DMD: variants seen among roughly 807,000 people sequenced by gnomAD.
DMD encodes mutant dystrophin.
DMD carries 63 observed loss-of-function variants against 330.1 expected under a neutral mutation model. The ratio of observed to expected loss-of-function variants is 0.19; its 90% CI spans 0.16 to 0.24. The LOEUF is 0.24. DMD is among the 10% of genes least tolerant of loss of function. The pLI is 1.00. For missense variants in DMD, 3,344 were observed against 2,684.1 expected, an observed-to-expected ratio of 1.25 and a Z score of -5.43; for synonymous variants, 1,223 against 959.8, an observed-to-expected ratio of 1.27 and a Z score of -5.07.
chrX:31,848,250 G>C (rs1466645300), intron 48 of DMD, among the ~76,000 whole-genome samples: 1 of 111,536 alleles, frequency 9.0e-6, no homozygotes, highest in Non-Finnish European at 1.9e-5. Flanking sequence ...ATAGCTCTGA[G>C]GGTTTCTCTT....
intron 11 of DMD, among the ~76,000 whole-genome samples, chrX:32,638,118 T>A (rs757802154): frequency 8.9e-6 from 1 of 112,057 alleles, no homozygotes; most frequent in Non-Finnish European, 1.9e-5. Flanking sequence ...GAATGTCACG[T>A]TATCATCTAT....
intron 1 of DMD, among the ~76,000 whole-genome samples, chrX:33,035,737 G>T (rs2094193894): frequency 9.0e-6 from 1 of 111,349 alleles, no homozygotes; most frequent in Non-Finnish European, 1.9e-5. Context: ...GTTTTCACAG[G>T]ATATAAAAAA....
At chrX:31,617,001 C>T (rs953058102) in intron 55 of DMD, among the ~76,000 whole-genome samples, 3 of 111,461 alleles carry the variant, frequency 2.7e-5, no homozygotes, top group Non-Finnish European at 5.6e-5. Flanking sequence ...AAAAAATGGC[C>T]TATTTGGGTC....
intron 43 of DMD, among the ~76,000 whole-genome samples, chrX:32,225,146 A>G (rs112904265): frequency 0.097 from 10,843 of 111,824 alleles, 542 homozygotes; most frequent in Admixed American, 0.15. Context: ...AGCTTCAACT[A>G]ACATCTACAG....
Position 32,134,596 on chromosome X carries a change from T to C in DMD, c.6438+82320A>G, listed in dbSNP as rs142980473. Among the ~76,000 whole-genome samples the C allele has an allele frequency of 3.2e-3, 356 of 111,235 alleles. 9 individuals are homozygous for C. In the East Asian group the frequency reaches 0.091, roughly 28 times the overall value. On this transcript the variant is annotated intron_variant, in intron 44 of 78. Transcript: ENST00000357033. Reference sequence around the variant, plus strand: ...GGTTTTCACAATTCTAAAAAAAAGATAAAATAAACTATGTGTTTAACGGTG... The same window carrying C: ...GGTTTTCACAATTCTAAAAAAAAGACAAAATAAACTATGTGTTTAACGGTG...
At chrX:31,350,186 C>G (rs1012091131) in intron 60 of DMD, among the ~76,000 whole-genome samples, 17 of 111,575 alleles carry the variant, frequency 1.5e-4, no homozygotes, top group African/African-American at 5.5e-4. Context: ...AACTACCTGC[C>G]TGTCCTGCAC....
chrX:33,305,968 G>C (rs959429706), intron 1 of DMD, among the ~76,000 whole-genome samples: 1 of 112,111 alleles, frequency 8.9e-6, no homozygotes. Context: ...AGTGAGGAAA[G>C]GAGACAGAGA....
chrX:31,714,762 A>G (rs189534164), intron 52 of DMD, among the ~76,000 whole-genome samples: 9 of 112,293 alleles, frequency 8.0e-5, no homozygotes, highest in African/African-American at 2.9e-4. Context: ...TGATACAATT[A>G]AATCAAAATG....
chrX:32,409,404 A>G (rs2098132747), intron 30 of DMD, among the ~76,000 whole-genome samples: 1 of 111,676 alleles, frequency 9.0e-6, no homozygotes, highest in Non-Finnish European at 1.9e-5. Context: ...GATGTAGTTA[A>G]TAACATTTTT....
intron 44 of DMD, among the ~76,000 whole-genome samples, chrX:32,100,135 A>T (rs2096532725): frequency 9.0e-6 from 1 of 110,683 alleles, no homozygotes; most frequent in Admixed American, 9.7e-5. Context: ...TAAAAAGGAA[A>T]AAAAGTTAAC....
At chrX:31,350,231 T>C (rs2058318601) in intron 60 of DMD, among the ~76,000 whole-genome samples, 1 of 111,474 alleles carries the variant, frequency 9.0e-6, no homozygotes. Context: ...GCGTGGCTTC[T>C]TCATGCTGCT....
At chrX:33,104,201 ATGTT>A (rs1352771979) in intron 1 of DMD, among the ~76,000 whole-genome samples, 1 of 112,023 alleles carries the variant, frequency 8.9e-6, no homozygotes, top group Non-Finnish European at 1.9e-5. Flanking sequence ...GCCCACTTAA[ATGTT>A]TGTTTCTTAA....
At chrX:32,446,507 A>G (rs2098305566) in intron 27 of DMD, among the ~76,000 whole-genome samples, 1 of 110,607 alleles carries the variant, frequency 9.0e-6, no homozygotes, top group South Asian at 3.7e-4. Context: ...TAAAATCTGA[A>G]CACATTTGCT....
intron 1 of DMD, among the ~76,000 whole-genome samples, chrX:33,240,968 A>G (rs1347626654): frequency 8.9e-6 from 1 of 111,971 alleles, no homozygotes; most frequent in Non-Finnish European, 1.9e-5. Context: ...AACCCCTTAT[A>G]AGATGTATGG....
At chrX:33,153,253 A>G (rs2048359921) in intron 1 of DMD, among the ~76,000 whole-genome samples, 1 of 112,685 alleles carries the variant, frequency 8.9e-6, no homozygotes, top group African/African-American at 3.2e-5. Context: ...TCTATTAAAA[A>G]TACAAAGTTA....
chrX:33,256,797 T>A (rs755961930), intron 1 of DMD, among the ~76,000 whole-genome samples: 201 of 110,813 alleles, frequency 1.8e-3, no homozygotes, highest in Non-Finnish European at 3.2e-3. Flanking sequence ...AATTATTAAA[T>A]GGCAAGTGCA....
intron 55 of DMD, among the ~76,000 whole-genome samples, chrX:31,510,798 C>G (rs369576518): frequency 3.5e-4 from 39 of 110,982 alleles, no homozygotes; most frequent in African/African-American, 1.1e-3. Flanking sequence ...CGTGAGCCAC[C>G]ACACCTGGCC....
intron 11 of DMD, among the ~76,000 whole-genome samples, chrX:32,628,700 T>A (rs2058535412): frequency 9.0e-6 from 1 of 110,704 alleles, no homozygotes; most frequent in African/African-American, 3.3e-5. Context: ...TTCCCATAGG[T>A]TTTGGTTACA....
chrX:31,652,411 G>A (rs1353675574), intron 54 of DMD, among the ~76,000 whole-genome samples: 1 of 111,433 alleles, frequency 9.0e-6, no homozygotes, highest in Non-Finnish European at 1.9e-5. Context: ...AGCTTTATGA[G>A]GGTAGGGCTT....
Sources: gnomAD v4.1 joint callset for allele counts (sites outside exome capture counted in the v4.1 genomes callset) on GRCh38, gnomAD v4.1.1 for gene constraint, MANE v1.5 for transcripts, NCBI Gene and HGNC (gene_info 2026-07-23, HGNC 2026-07-21) for gene names.